The following STAG1 variants were observed in gnomAD, a reference collection of about 807,000 sequenced individuals.
STAG1 encodes STAG1 cohesin complex component, also known as cohesin subunit SA-1.
Under a neutral mutation model 170.9 loss-of-function variants are expected in STAG1, and 26 were observed. The observed-to-expected ratio is 0.15, with a 90% confidence interval of 0.11 to 0.21. The LOEUF (loss-of-function observed/expected upper bound fraction) is 0.21. Ranked by LOEUF, STAG1 falls within the 10% of genes least tolerant of loss-of-function variation. STAG1 has a pLI of 1.00. For missense variants in STAG1, 964 were observed against 1,509.5 expected (o/e 0.64, Z 5.99); for synonymous variants, 514 against 497.7 (o/e 1.03, Z -0.44).
At chr3:136,573,194 TA>T (rs11338336) in intron 4 of STAG1, among the ~76,000 whole-genome samples, 53,899 of 142,428 alleles carry the variant, frequency 0.38, 10,517 homozygotes, top group African/African-American at 0.53. Flanking sequence ...AGAAAAGGAT[TA>T]AAAAAAAAAA....
In STAG1 at chr3:136,604,351, G is replaced by A. The variant is rs750503206; in HGVS notation, c.255C>T (p.Val85=). 1.2e-6 allele frequency: 2 copies of A among 1,612,286 alleles called. No homozygotes were observed. Among genetic ancestry groups the A allele is most frequent in the Non-Finnish European group, 1.7e-6 (2 of 1,179,520 alleles). ...HPQQNGEGEP[V]TLFEVVKLGK... The stretch of plus-strand genomic sequence containing the variant: ...CCAGTTTCACCACCTCAAATAATGT[G>A]ACAGGCTCCCCTTCCCCATTCTGTT... Residue 85 remains valine, a synonymous_variant, in exon 4 of 34, where the codon GTC becomes GTT. Transcript: ENST00000383202.
At chr3:136,545,631 A>G (rs1936123703) in intron 5 of STAG1, among the ~76,000 whole-genome samples, 1 of 152,128 alleles carries the variant, frequency 6.6e-6, no homozygotes, top group South Asian at 2.1e-4. Flanking sequence ...AGAGGTAAAG[A>G]AAGAGACACT....
At chr3:136,539,282 A>G (rs1935782706) in intron 6 of STAG1, among the ~76,000 whole-genome samples, 1 of 152,184 alleles carries the variant, frequency 6.6e-6, no homozygotes, top group Admixed American at 6.5e-5. Context: ...CCATTTTTAT[A>G]CTTATTAATG....
rs554242960 is a variant in STAG1, at chr3:136,379,442, C to T, written c.2278-1690G>A. ...AAGCAGAGGTGGCTGGGTGCGGTGGCTCACGCCTGTAATCCCAGCACTTTG... is the reference window on the plus strand; with the variant it reads ...AAGCAGAGGTGGCTGGGTGCGGTGGTTCACGCCTGTAATCCCAGCACTTTG... On this transcript the variant is annotated intron_variant, in intron 22 of 33. Transcript: ENST00000383202. Among the ~76,000 whole-genome samples the T allele has an allele frequency of 7.2e-5, 11 of 152,302 alleles. No individual in the cohort carries two copies. In the East Asian group the frequency reaches 2.1e-3, roughly 29 times the overall value.
intron 26 of STAG1, among the ~76,000 whole-genome samples, chr3:136,362,965 C>T (rs1339928120): frequency 6.6e-6 from 1 of 151,816 alleles, no homozygotes; most frequent in African/African-American, 2.4e-5. Context: ...TCCACTAGGC[C>T]CCCTGAAATC....
intron 1 of STAG1, among the ~76,000 whole-genome samples, chr3:136,715,951 T>C (rs940835501): frequency 2.0e-5 from 3 of 151,440 alleles, no homozygotes; most frequent in Non-Finnish European, 4.4e-5. Flanking sequence ...TAAAAAAAAT[T>C]AGCCAGTGTA....
intron 1 of STAG1, among the ~76,000 whole-genome samples, chr3:136,734,039 A>G: frequency 6.6e-6 from 1 of 150,528 alleles, no homozygotes. Flanking sequence ...TCCGGGAGGC[A>G]GAGCTTGCAG....
chr3:136,519,009 T>C (rs895870893), intron 7 of STAG1, among the ~76,000 whole-genome samples: 7 of 151,814 alleles, frequency 4.6e-5, no homozygotes, highest in African/African-American at 9.7e-5. Context: ...GGGATAAGTA[T>C]AGAGAAAACA....
intron 5 of STAG1, among the ~76,000 whole-genome samples, chr3:136,559,090 T>C (rs1330828789): frequency 2.0e-5 from 3 of 151,804 alleles, no homozygotes; most frequent in African/African-American, 7.3e-5. Context: ...GATGTCACAA[T>C]TTAAAAGGAT....
chr3:136,551,562 G>A (rs1004908669), intron 5 of STAG1, among the ~76,000 whole-genome samples: 2 of 150,808 alleles, frequency 1.3e-5, no homozygotes, highest in Non-Finnish European at 2.9e-5. Context: ...TTACAGGCAT[G>A]AGCCAGCCTG....
At chr3:136,392,752 C>G (rs990777324) in intron 22 of STAG1, among the ~76,000 whole-genome samples, 23 of 129,066 alleles carry the variant, frequency 1.8e-4, no homozygotes, top group African/African-American at 5.3e-4. Context: ...GGTGACAGAG[C>G]CAGGCTCCGT....
At chr3:136,413,596 T>TTGTAA (rs2087691344) in intron 21 of STAG1, among the ~76,000 whole-genome samples, 1 of 151,942 alleles carries the variant, frequency 6.6e-6, no homozygotes, top group African/African-American at 2.4e-5. Context: ...GTAGTTGAAA[T>TTGTAA]TACAGACATG....
intron 5 of STAG1, among the ~76,000 whole-genome samples, chr3:136,566,112 T>C (rs1190395334): frequency 6.6e-6 from 1 of 152,184 alleles, no homozygotes; most frequent in Non-Finnish European, 1.5e-5. Context: ...AGGTGGTAAC[T>C]GCTACAATGG....
chr3:136,520,538 G>A (rs1934620725), intron 7 of STAG1, among the ~76,000 whole-genome samples: 2 of 151,772 alleles, frequency 1.3e-5, no homozygotes, highest in Admixed American at 6.6e-5. Flanking sequence ...AAGCAGTGAC[G>A]GAAAAATAGA....
chr3:136,487,662 T>C (rs2090044240), intron 9 of STAG1, among the ~76,000 whole-genome samples: 2 of 152,202 alleles, frequency 1.3e-5, no homozygotes, highest in Non-Finnish European at 2.9e-5. Context: ...ACATAACATA[T>C]ACATGTGAAT....
intron 2 of STAG1, among the ~76,000 whole-genome samples, chr3:136,626,240 A>G (rs995442262): frequency 1.3e-5 from 2 of 152,150 alleles, no homozygotes; most frequent in African/African-American, 4.8e-5. Flanking sequence ...TACCTGGCCA[A>G]CATAGTGAAA....
At chr3:136,536,436 G>A (rs2107717759) in intron 6 of STAG1, among the ~76,000 whole-genome samples, 1 of 152,104 alleles carries the variant, frequency 6.6e-6, no homozygotes, top group East Asian at 1.9e-4. Flanking sequence ...ACACAGAATA[G>A]GACAGTAGTT....
At chr3:136,665,779 CAA>C (rs1335180026) in intron 1 of STAG1, among the ~76,000 whole-genome samples, 15 of 80,298 alleles carry the variant, frequency 1.9e-4, no homozygotes, top group Admixed American at 4.5e-4. Flanking sequence ...GATTCCGTCT[CAA>C]AAAAAAAAAA....
rs141657372 is a variant in STAG1 at position 136,379,779 on chromosome 3, G to A, written c.2278-2027C>T. Among the ~76,000 whole-genome samples, 627 of 152,232 alleles carry A rather than the reference G, an allele frequency of 4.1e-3. 5 individuals are homozygous for A. Among genetic ancestry groups the A allele is most frequent in the African/African-American group, 0.014 (599 of 41,534 alleles). On this transcript the variant is annotated intron_variant, in intron 22 of 33. Coordinates refer to ENST00000383202, the MANE Select transcript of STAG1 (RefSeq NM_005862.3). ...TTATTGTAGCTGGGGTATAAATAGG[G>A]AAGACAGCAGCAAGAAAAAAAGCTA...
Sources: allele counts gnomAD v4.1 joint callset (sites outside exome capture counted in the v4.1 genomes callset), GRCh38; gene constraint gnomAD v4.1.1; transcripts MANE v1.5; gene names NCBI Gene and HGNC (gene_info 2026-07-23, HGNC 2026-07-21).